The following LRRC2 variants were observed in gnomAD, a reference collection of about 807,000 sequenced individuals.
LRRC2 encodes the protein leucine-rich repeat-containing protein 2.
In LRRC2, 27 loss-of-function variants were observed where a neutral mutation model predicts 40.2. The ratio of observed to expected loss-of-function variants is 0.67; its 90% CI spans 0.49 to 0.93. The LOEUF is 0.93. Ranked by LOEUF, LRRC2 falls within the 40% of genes least tolerant of loss-of-function variation. The pLI is 0.00. For synonymous variants in LRRC2, 147 were observed against 158.9 expected, an observed-to-expected ratio of 0.92 and a Z score of 0.56; for missense variants, 402 against 439.6, an observed-to-expected ratio of 0.91 and a Z score of 0.76.
intron 6 of LRRC2, among the ~76,000 whole-genome samples, chr3:46,528,529 C>G (rs1704100187): frequency 6.6e-6 from 1 of 152,190 alleles, no homozygotes; most frequent in Non-Finnish European, 1.5e-5. Context: ...AGTAAATGAG[C>G]AAAATATGTT....
intron 2 of LRRC2, among the ~76,000 whole-genome samples, chr3:46,548,916 T>A (rs1307193861): frequency 6.6e-6 from 1 of 152,140 alleles, no homozygotes; most frequent in Non-Finnish European, 1.5e-5. Context: ...CCTATGAGAA[T>A]CTAATGCTGC....
chr3:46,561,113 C>T (rs1704928653), intron 1 of LRRC2, among the ~76,000 whole-genome samples: 1 of 152,158 alleles, frequency 6.6e-6, no homozygotes, highest in Non-Finnish European at 1.5e-5. Flanking sequence ...TCTGGCGAGC[C>T]TCTCCCTGCT....
At position 46,517,819 on chromosome 3, in the gene LRRC2, T is replaced by C. The variant is rs1460887234; in HGVS notation, c.*1195A>G. 11 of 152,274 alleles carry C rather than the reference T, an allele frequency of 7.2e-5. No individual in the cohort carries two copies. The highest frequency in any genetic ancestry group is 2.7e-4 in the African/African-American group (11 of 41,468). The allele number at this position is 152,274 out of a possible 1,614,324, so 9.4% of individuals were successfully genotyped here. ...ACCTCTCCCAAATTCAAACAGCCCA[T>C]GGGCTCCCTCTGGACTGAAGCATCT... On this transcript the variant is annotated 3_prime_UTR_variant, in exon 9 of 9. Coordinates refer to ENST00000395905, the MANE Select transcript of LRRC2 (RefSeq NM_024512.5).
At chr3:46,524,761 C>T (rs1272477495) in intron 7 of LRRC2, among the ~76,000 whole-genome samples, 1 of 152,092 alleles carries the variant, frequency 6.6e-6, no homozygotes, top group Non-Finnish European at 1.5e-5. Context: ...TTATATTTAA[C>T]TTGTCTCTTG....
At chr3:46,551,901 G>A (rs994389402) in intron 1 of LRRC2, among the ~76,000 whole-genome samples, 7 of 151,788 alleles carry the variant, frequency 4.6e-5, no homozygotes, top group African/African-American at 1.7e-4. Flanking sequence ...CCTGGGCTCA[G>A]GCAATCTTCC....
intron 2 of LRRC2, among the ~76,000 whole-genome samples, chr3:46,547,913 T>C (rs979619241): frequency 1.3e-5 from 2 of 152,168 alleles, no homozygotes; most frequent in African/African-American, 2.4e-5. Context: ...TAGATTTAGA[T>C]CTTACTGTAG....
At chr3:46,535,637 C>A (rs1440308023) in intron 4 of LRRC2, among the ~76,000 whole-genome samples, 1 of 152,102 alleles carries the variant, frequency 6.6e-6, no homozygotes, top group East Asian at 1.9e-4. Flanking sequence ...TAGATAACAT[C>A]TTTGTCTTCA....
chr3:46,524,076 G>A (rs1195949179), intron 7 of LRRC2, among the ~76,000 whole-genome samples: 3 of 151,998 alleles, frequency 2.0e-5, no homozygotes, highest in Non-Finnish European at 4.4e-5. Context: ...TCTTTTGCCT[G>A]CAGTTTGATT....
At chr3:46,545,368 G>A (rs1013758182) in intron 2 of LRRC2, 115 bp from the exon 3 acceptor site, 68 of 830,352 alleles carry the variant, frequency 8.2e-5, no homozygotes, top group Middle Eastern at 2.6e-4. Context: ...CCAGGCCTAC[G>A]TAAGCACTCC....
At chr3:46,535,920 A>G (rs1235119221) in intron 4 of LRRC2, among the ~76,000 whole-genome samples, 1 of 152,186 alleles carries the variant, frequency 6.6e-6, no homozygotes, top group Non-Finnish European at 1.5e-5. Context: ...ACTAGGTACT[A>G]TTGTTATCCC....
intron 3 of LRRC2, among the ~76,000 whole-genome samples, chr3:46,542,088 C>T (rs1224266840): frequency 3.9e-5 from 6 of 152,000 alleles, no homozygotes; most frequent in Admixed American, 2.0e-4. Context: ...TAAGTGTGCC[C>T]GACACACACT....
intron 3 of LRRC2, among the ~76,000 whole-genome samples, chr3:46,541,244 A>G (rs1704382835): frequency 6.6e-6 from 1 of 151,772 alleles, no homozygotes; most frequent in Admixed American, 6.6e-5. Context: ...GAGGCAGGAG[A>G]ATGGTGTGAA....
intron 6 of LRRC2, 64 bp downstream of exon 6, chr3:46,529,841 G>A: frequency 6.6e-7 from 1 of 1,523,384 alleles, no homozygotes; most frequent in Non-Finnish European, 9.1e-7. Context: ...TGTTTCAAAT[G>A]TTAACAGTGT....
intron 5 of LRRC2, among the ~76,000 whole-genome samples, chr3:46,532,289 G>A (rs1402760924): frequency 1.3e-5 from 2 of 152,022 alleles, no homozygotes; most frequent in Non-Finnish European, 1.5e-5. Context: ...ACTTAAATTC[G>A]GGTTCTGACA....
intron 1 of LRRC2, chr3:46,557,798 C>T (rs73071919): frequency 0.049 from 7,398 of 152,302 alleles, 275 homozygotes; most frequent in South Asian, 0.15. Context: ...GAGAACCCCT[C>T]AAGTGCAGGT....
chr3:46,549,813 G>A (rs771858523), intron 2 of LRRC2, among the ~76,000 whole-genome samples: 5 of 152,292 alleles, frequency 3.3e-5, no homozygotes, highest in East Asian at 1.9e-4. Flanking sequence ...TGCCAAGGGC[G>A]TGGGCCTCCA....
chr3:46,524,663 T>C (rs564324716), intron 7 of LRRC2, among the ~76,000 whole-genome samples: 1 of 152,232 alleles, frequency 6.6e-6, no homozygotes, highest in South Asian at 2.1e-4. Context: ...TTTAATAGGC[T>C]GTTATAAAGG....
intron 1 of LRRC2, among the ~76,000 whole-genome samples, chr3:46,564,800 C>T (rs1705023075): frequency 6.6e-6 from 1 of 152,210 alleles, no homozygotes; most frequent in Admixed American, 6.5e-5. Flanking sequence ...TCCACAGCAC[C>T]CTTCCAGGCG....
At chr3:46,519,132 G>T in intron 8 of LRRC2, 69 bp from the exon 9 acceptor site, 1 of 1,044,472 alleles carries the variant, frequency 9.6e-7, no homozygotes, top group South Asian at 1.3e-5. Flanking sequence ...TACGTGCTAT[G>T]ACATACATAA....
Sources: gnomAD v4.1 joint callset for allele counts (sites outside exome capture counted in the v4.1 genomes callset) on GRCh38, gnomAD v4.1.1 for gene constraint, MANE v1.5 for transcripts, NCBI Gene and HGNC (gene_info 2026-07-23, HGNC 2026-07-21) for gene names.